GALNTL6: variants seen among roughly 807,000 people sequenced by gnomAD.
GALNTL6 encodes polypeptide N-acetylgalactosaminyltransferase like 6, also known as polypeptide N-acetylgalactosaminyltransferase-like 6.
GALNTL6 carries 46 observed loss-of-function variants against 73.7 expected under a neutral mutation model. The ratio of observed to expected loss-of-function variants is 0.62; its 90% CI spans 0.49 to 0.80. GALNTL6 has a LOEUF of 0.80. Ranked by LOEUF, GALNTL6 falls within the 30% of genes least tolerant of loss-of-function variation. GALNTL6 has a pLI of 0.00. For missense variants in GALNTL6, 604 were observed against 755.0 expected, an observed-to-expected ratio of 0.80 and a Z score of 2.34; for synonymous variants, 259 against 263.7, an observed-to-expected ratio of 0.98 and a Z score of 0.17.
chr4:172,240,686 C>G (rs1165797687), intron 3 of GALNTL6, among the ~76,000 whole-genome samples: 1 of 152,176 alleles, frequency 6.6e-6, no homozygotes, highest in African/African-American at 2.4e-5. Context: ...TCTTTCAGCT[C>G]TATCAGATCA....
At chr4:173,009,060 A>C (rs1752423854) in intron 10 of GALNTL6, 118 bp from the exon 11 acceptor site, 1 of 701,756 alleles carries the variant, frequency 1.4e-6, no homozygotes, top group South Asian at 1.7e-5. Flanking sequence ...GGTCTCATTC[A>C]ATATGCATGT....
intron 10 of GALNTL6, among the ~76,000 whole-genome samples, chr4:172,969,013 T>C (rs1043715867): frequency 1.2e-4 from 19 of 152,082 alleles, no homozygotes; most frequent in African/African-American, 4.6e-4. Context: ...AGATGAAAAC[T>C]ACAACATTAG....
intron 2 of GALNTL6, among the ~76,000 whole-genome samples, chr4:172,226,081 C>T (rs1265068887): frequency 6.6e-6 from 1 of 152,084 alleles, no homozygotes; most frequent in African/African-American, 2.4e-5. Flanking sequence ...GTTTTAAATC[C>T]AATCATACTA....
At chr4:172,542,317 G>A (rs996178551) in intron 5 of GALNTL6, among the ~76,000 whole-genome samples, 1 of 152,038 alleles carries the variant, frequency 6.6e-6, no homozygotes, top group African/African-American at 2.4e-5. Flanking sequence ...GTTGATCGCT[G>A]CCATCTTCAA....
chr4:172,429,505 C>A (rs919557392), intron 5 of GALNTL6, among the ~76,000 whole-genome samples: 1 of 152,116 alleles, frequency 6.6e-6, no homozygotes, highest in Non-Finnish European at 1.5e-5. Flanking sequence ...CTCTTAATAT[C>A]CTCACCTTAA....
intron 2 of GALNTL6, among the ~76,000 whole-genome samples, chr4:171,826,383 CT>C (rs1553962638): frequency 6.6e-6 from 1 of 152,184 alleles, no homozygotes; most frequent in Non-Finnish European, 1.5e-5. Context: ...TATGGAACCT[CT>C]ATCCAGACTA....
intron 2 of GALNTL6, among the ~76,000 whole-genome samples, chr4:172,011,754 T>C (rs981802952): frequency 9.2e-5 from 14 of 151,958 alleles, no homozygotes; most frequent in African/African-American, 3.4e-4. Context: ...AAGAATAAAA[T>C]ATAATATGAA....
chr4:172,472,421 CA>C, intron 5 of GALNTL6, among the ~76,000 whole-genome samples: 1 of 152,084 alleles, frequency 6.6e-6, no homozygotes. Context: ...GGTAGTGTAT[CA>C]AATTTTTATG....
At chr4:173,022,189 G>GAGGAAGGAAGGAAGGAAGGA (rs35151291) in intron 12 of GALNTL6, among the ~76,000 whole-genome samples, 41 of 134,368 alleles carry the variant, frequency 3.1e-4, no homozygotes, top group Non-Finnish European at 5.4e-4. Context: ...GGGAGGGAGG[G>GAGGAAGGAAGGAAGGAAGGA]AGGAAGGAAG....
intron 2 of GALNTL6, among the ~76,000 whole-genome samples, chr4:172,062,156 A>T (rs986225125): frequency 6.6e-6 from 1 of 151,506 alleles, no homozygotes; most frequent in Non-Finnish European, 1.5e-5. Flanking sequence ...GGGTTTTGCT[A>T]TGTTGGCCAG....
chr4:172,134,278 G>T (rs1191301764), intron 2 of GALNTL6, among the ~76,000 whole-genome samples: 1 of 151,866 alleles, frequency 6.6e-6, no homozygotes, highest in East Asian at 1.9e-4. Flanking sequence ...CCAGCTACTC[G>T]GGAGGCTGAG....
intron 8 of GALNTL6, among the ~76,000 whole-genome samples, chr4:172,894,457 C>T (rs920721271): frequency 1.3e-5 from 2 of 152,058 alleles, no homozygotes; most frequent in Admixed American, 6.6e-5. Context: ...TTGACCCATT[C>T]GTCATTCAGG....
rs567346961 is a variant in GALNTL6 at position 172,479,107 on chromosome 4, A to C, written c.553+130418A>C. 5.8e-4 allele frequency among the ~76,000 whole-genome samples: 89 copies of C among 152,178 alleles called. 1 individual carries two copies. Among genetic ancestry groups the C allele is most frequent in the Non-Finnish European group, 1.2e-3 (83 of 68,024 alleles). ...AGCCTCTATGGAAAGCCATGTGGAG[A>C]TTTCTCAAAGAACTAAAAGTAGCTC... On this transcript the variant is annotated intron_variant, in intron 5 of 12. Coordinates refer to ENST00000506823, the MANE Select transcript of GALNTL6 (RefSeq NM_001034845.3).
chr4:172,163,171 C>T (rs1734524650), intron 2 of GALNTL6, among the ~76,000 whole-genome samples: 1 of 152,020 alleles, frequency 6.6e-6, no homozygotes, highest in Non-Finnish European at 1.5e-5. Flanking sequence ...TATTCAAATG[C>T]ATTTATAATT....
chr4:173,029,766 T>C (rs1001286742), intron 12 of GALNTL6, among the ~76,000 whole-genome samples: 1 of 152,224 alleles, frequency 6.6e-6, no homozygotes, highest in Non-Finnish European at 1.5e-5. Flanking sequence ...TATGTTGCTA[T>C]CCACTTTTTT....
At chr4:172,153,609 T>C (rs1734164175) in intron 2 of GALNTL6, among the ~76,000 whole-genome samples, 1 of 152,238 alleles carries the variant, frequency 6.6e-6, no homozygotes, top group Admixed American at 6.5e-5. Flanking sequence ...TAGAATGATG[T>C]GTTTACTCTG....
chr4:172,759,046 T>C lies in GALNTL6; in HGVS notation c.554-50315T>C, dbSNP rs148251512. On this transcript the variant is annotated intron_variant, in intron 5 of 12. Coordinates refer to ENST00000506823, the MANE Select transcript of GALNTL6 (RefSeq NM_001034845.3). Reference sequence around the variant, plus strand: ...CAGTTAGTCTAGGAGGTTCAACTTATTGCAGTAAAATTAGGTGTCACTGGT... The same window carrying C: ...CAGTTAGTCTAGGAGGTTCAACTTACTGCAGTAAAATTAGGTGTCACTGGT... Among the ~76,000 whole-genome samples the C allele has an allele frequency of 5.9e-5, 9 of 152,348 alleles. No homozygotes were observed. The East Asian group carries it at 1.3e-3, about 23-fold the overall frequency.
At chr4:172,488,316 C>T (rs574476238) in intron 5 of GALNTL6, among the ~76,000 whole-genome samples, 11 of 152,312 alleles carry the variant, frequency 7.2e-5, no homozygotes, top group South Asian at 2.1e-4. Context: ...GAATCAGAAA[C>T]GCAGATAGGG....
intron 5 of GALNTL6, among the ~76,000 whole-genome samples, chr4:172,741,641 T>A (rs946445915): frequency 2.0e-5 from 3 of 152,002 alleles, no homozygotes; most frequent in African/African-American, 7.2e-5. Context: ...TACACTCTGC[T>A]ACATATATTT....
Sources: allele counts gnomAD v4.1 joint callset (sites outside exome capture counted in the v4.1 genomes callset), GRCh38; gene constraint gnomAD v4.1.1; transcripts MANE v1.5; gene names NCBI Gene and HGNC (gene_info 2026-07-23, HGNC 2026-07-21).